The following SLC30A4 variants were observed in gnomAD, a reference collection of about 807,000 sequenced individuals.
SLC30A4 encodes the protein probable proton-coupled zinc antiporter SLC30A4.
In SLC30A4, 20 loss-of-function variants were observed where a neutral mutation model predicts 41.7. The ratio of observed to expected loss-of-function variants is 0.48; its 90% CI spans 0.34 to 0.70. The LOEUF is 0.70. SLC30A4 is among the 30% of genes least tolerant of loss of function. The pLI is 0.01. For missense variants in SLC30A4, 441 were observed against 529.3 expected, an observed-to-expected ratio of 0.83 and a Z score of 1.64; for synonymous variants, 181 against 195.9, an observed-to-expected ratio of 0.92 and a Z score of 0.64.
intron 7 of SLC30A4, among the ~76,000 whole-genome samples, chr15:45,485,805 T>G (rs1891691343): frequency 6.6e-6 from 1 of 151,980 alleles, no homozygotes; most frequent in African/African-American, 2.4e-5. Context: ...GTAGCCTCTG[T>G]GTCCTGAGTG....
chr15:45,499,593 G>A (rs1414655811), intron 3 of SLC30A4, among the ~76,000 whole-genome samples: 1 of 152,164 alleles, frequency 6.6e-6, no homozygotes, highest in Non-Finnish European at 1.5e-5. Context: ...GCAAGCGGGT[G>A]GAGCCTGTTC....
intron 4 of SLC30A4, among the ~76,000 whole-genome samples, chr15:45,489,578 C>T (rs1891771561): frequency 7.7e-6 from 1 of 129,064 alleles, no homozygotes; most frequent in African/African-American, 3.0e-5. Context: ...GTCTTACTAA[C>T]AAGGCTGCAG....
intron 3 of SLC30A4, among the ~76,000 whole-genome samples, chr15:45,508,409 C>A (rs190202176): frequency 6.6e-6 from 1 of 152,206 alleles, no homozygotes; most frequent in East Asian, 1.9e-4. Flanking sequence ...CCACTGGGAA[C>A]GGCTTCCCAC....
intron 3 of SLC30A4, among the ~76,000 whole-genome samples, chr15:45,494,981 A>G (rs1337431995): frequency 6.6e-6 from 1 of 152,084 alleles, no homozygotes; most frequent in Non-Finnish European, 1.5e-5. Flanking sequence ...CAACACAGTG[A>G]GACCCTGTCT....
rs768005420 is a variant in SLC30A4 at position 45,521,713 on chromosome 15, GTCCTTAAC to G, written c.391+243_391+250del. 50 of 449,100 alleles carry G rather than the reference GTCCTTAAC, an allele frequency of 1.1e-4. No individual in the cohort carries two copies. In the Admixed American group the frequency reaches 1.3e-3, roughly 11 times the overall value. The allele number at this position is 449,100 out of a possible 1,614,324, so 27.8% of individuals were successfully genotyped here. ...TTACATGACATACAATGAAGATAAC[GTCCTTAAC>G]TTTACGGTAGATGACAGTGGTTGAA... On this transcript the variant is annotated intron_variant, in intron 2 of 7. Coordinates refer to ENST00000261867, the MANE Select transcript of SLC30A4 (RefSeq NM_013309.6).
intron 2 of SLC30A4, chr15:45,515,677 ATAAT>A (rs1892449387): frequency 6.6e-6 from 1 of 151,606 alleles, no homozygotes; most frequent in South Asian, 2.1e-4. Flanking sequence ...AAATAAATAA[ATAAT>A]AAATAATAGA....
At chr15:45,519,234 C>A (rs911333476) in intron 2 of SLC30A4, 10 of 151,568 alleles carry the variant, frequency 6.6e-5, no homozygotes, top group Admixed American at 2.0e-4. Context: ...TGCTTTATTT[C>A]TCTTTCTTTC....
At position 45,498,501 on chromosome 15, in the gene SLC30A4, C is replaced by T. The variant is rs191900823; in HGVS notation, c.539-7620G>A. On this transcript the variant is annotated intron_variant, in intron 3 of 7. Transcript: ENST00000261867. ...GACATCATAGAGGATTTTCAGTGGC[C>T]CACTGTCACCACCAGAATGGCAAGC... Among the ~76,000 whole-genome samples, 35 of 152,182 alleles carry T rather than the reference C, an allele frequency of 2.3e-4. No homozygotes were observed. In the East Asian group the frequency reaches 4.3e-3, roughly 19 times the overall value.
Position 45,486,630 on chromosome 15 carries a change from G to A in SLC30A4, c.1116C>T (p.Ala372=), listed in dbSNP as rs145466606. ...IWSLTSGKST[A]IVHIQLIPGS... is the part of the protein sequence containing the mutation. The stretch of plus-strand genomic sequence containing the variant: ...ACATACTTAGCTGTATGTGAACTAT[G>A]GCAGTAGATTTTCCTGAAGTGAGAG... The change falls in exon 7 of 8, where the codon GCC becomes GCT. Residue 372 remains alanine, a synonymous_variant. Coordinates refer to ENST00000261867, the MANE Select transcript of SLC30A4 (RefSeq NM_013309.6). The A allele has an allele frequency of 5.7e-4, 913 of 1,604,184 alleles. 1 individual carries two copies. Among genetic ancestry groups the A allele is most frequent in the Middle Eastern group, 9.9e-4 (6 of 6,056 alleles).
rs1891641833 is a variant in SLC30A4, at chr15:45,483,570, G to A, written c.*1593C>T. The stretch of plus-strand genomic sequence containing the variant: ...GATTTAATGTCCATCCCTATCTAGT[G>A]CTTTAAAACACACACATACAGGCCA... On this transcript the variant is annotated 3_prime_UTR_variant, in exon 8 of 8. Transcript: ENST00000261867. 6.6e-6 allele frequency: 1 copy of A among 152,110 alleles called. No individual in the cohort carries two copies. Among genetic ancestry groups the A allele is most frequent in the African/African-American group, 2.4e-5 (1 of 41,418 alleles). 9.4% of individuals were successfully genotyped at this position (152,110 alleles called of 1,614,324 possible). A position where few individuals can be genotyped will look rare whatever the true frequency, so the allele number is the denominator to read the frequency against.
At chr15:45,488,382 G>T (rs529458286) in intron 5 of SLC30A4, among the ~76,000 whole-genome samples, 2 of 152,266 alleles carry the variant, frequency 1.3e-5, no homozygotes, top group African/African-American at 4.8e-5. Context: ...AGACCAGCCT[G>T]GCCAACATGG....
intron 1 of SLC30A4, 41 bp from the exon 2 acceptor site, chr15:45,522,509 C>T (rs1276891184): frequency 3.9e-6 from 3 of 771,166 alleles, no homozygotes; most frequent in South Asian, 2.3e-5. Context: ...AGGCGCCCAA[C>T]CCTGTCCTCA....
rs189381797 is a variant in SLC30A4, at chr15:45,504,133, A to G, written c.538+7005T>C. The stretch of plus-strand genomic sequence containing the variant: ...CTTGATCATGTAAAGCTAATTCTCT[A>G]TAAGAAAATTCCAGATTCAGTTTAA... On this transcript the variant is annotated intron_variant, in intron 3 of 7. Coordinates refer to ENST00000261867, the MANE Select transcript of SLC30A4 (RefSeq NM_013309.6). Among the ~76,000 whole-genome samples the G allele has an allele frequency of 1.8e-3, 271 of 152,328 alleles. 1 individual carries two copies. Among genetic ancestry groups the G allele is most frequent in the African/African-American group, 5.8e-3 (240 of 41,574 alleles).
chr15:45,485,920 T>C (rs1328377919), intron 7 of SLC30A4, among the ~76,000 whole-genome samples: 2 of 151,608 alleles, frequency 1.3e-5, no homozygotes, highest in Non-Finnish European at 2.9e-5. Context: ...GGTTTCATCA[T>C]GTTGGCCAGG....
chr15:45,521,653 C>T (rs1343532506), intron 2 of SLC30A4, among the ~76,000 whole-genome samples: 1 of 152,124 alleles, frequency 6.6e-6, no homozygotes, highest in Non-Finnish European at 1.5e-5. Context: ...GAAAATTAAC[C>T]TGGTATTTTA....
intron 6 of SLC30A4, 144 bp downstream of exon 6, chr15:45,487,383 T>C: frequency 2.2e-6 from 1 of 457,824 alleles, no homozygotes; most frequent in Admixed American, 3.4e-5. Context: ...TTCTTACATG[T>C]TACATACATG....
intron 3 of SLC30A4, among the ~76,000 whole-genome samples, chr15:45,505,387 A>G (rs1477598211): frequency 6.6e-6 from 1 of 152,204 alleles, no homozygotes; most frequent in African/African-American, 2.4e-5. Flanking sequence ...AATTACAGCT[A>G]AGCTATGGTT....
At chr15:45,511,064 A>T in intron 3 of SLC30A4, 74 bp downstream of exon 3, 1 of 1,145,732 alleles carries the variant, frequency 8.7e-7, no homozygotes, top group Non-Finnish European at 1.3e-6. Context: ...GAACGAGTTC[A>T]GTTAATCAGG....
intron 3 of SLC30A4, chr15:45,502,002 CTTT>C (rs1268746609): frequency 6.6e-6 from 1 of 151,964 alleles, no homozygotes; most frequent in South Asian, 2.1e-4. Flanking sequence ...GACACGAATC[CTTT>C]TTTTAAAAAA....
Sources: allele counts gnomAD v4.1 joint callset (sites outside exome capture counted in the v4.1 genomes callset), GRCh38; gene constraint gnomAD v4.1.1; transcripts MANE v1.5; gene names NCBI Gene and HGNC (gene_info 2026-07-23, HGNC 2026-07-21).